Variants in SYTL5 observed in about 807,000 individuals in gnomAD.
The protein encoded by SYTL5 is synaptotagmin like 5.
A neutral mutation model predicts 55.9 loss-of-function variants in SYTL5; 34 were observed. The ratio of observed to expected loss-of-function variants is 0.61; its 90% CI spans 0.46 to 0.81. SYTL5 has a LOEUF of 0.81. SYTL5 is among the 30% of genes least tolerant of loss of function. The probability of loss-of-function intolerance (pLI) is 0.00; values close to 1 mark genes in which losing one functional copy is unlikely to be tolerated. For missense variants in SYTL5, 637 were observed against 546.7 expected (o/e 1.17, Z -1.65); for synonymous variants, 221 against 188.7 (o/e 1.17, Z -1.40).
chrX:37,942,983 T>C, the SYTL5 span, among the ~76,000 whole-genome samples: 1 of 111,781 alleles, frequency 8.9e-6, no homozygotes, highest in Admixed American at 9.5e-5. Context: ...AATTTGGCTC[T>C]CATTCATTTA....
At chrX:38,055,888 G>A (rs1002022348) in intron 3 of SYTL5, among the ~76,000 whole-genome samples, 3 of 111,541 alleles carry the variant, frequency 2.7e-5, no homozygotes, top group African/African-American at 9.8e-5. Context: ...TTTGATACAG[G>A]CTTGCAATAT....
At position 38,096,183 on chromosome X, in the gene SYTL5, A is replaced by G. The variant is rs1936932326; in HGVS notation, c.1011A>G (p.Ser337=). 8.3e-7 allele frequency: 1 copy of G among 1,197,794 alleles called. No homozygotes were observed. Among genetic ancestry groups the G allele is most frequent in the South Asian group, 1.8e-5 (1 of 55,641 alleles). The change falls in exon 9 of 17, where the codon TCA becomes TCG. Residue 337 remains serine (S), a synonymous_variant. Transcript: ENST00000297875. ...TGAGTGAGTCATTTACAGAAGACTC[A>G]GAGGATACTGTAAGCATAAGAAGCA... The part of the protein sequence containing the change: ...LDLSESFTED[S]EDTVSIRSKS...
At chrX:38,100,484 G>A (rs998281210) in intron 9 of SYTL5, among the ~76,000 whole-genome samples, 2 of 111,228 alleles carry the variant, frequency 1.8e-5, no homozygotes, top group Non-Finnish European at 3.8e-5. Flanking sequence ...ATAAAAATAA[G>A]CAAATTTTGA....
the SYTL5 span, among the ~76,000 whole-genome samples, chrX:37,990,657 G>A: frequency 0.019 from 2,130 of 111,737 alleles, 57 homozygotes; most frequent in African/African-American, 0.066. Context: ...GGTCTGATAA[G>A]GGACCAGTGG....
At chrX:37,938,232 A>G in the SYTL5 span, among the ~76,000 whole-genome samples, 6 of 111,791 alleles carry the variant, frequency 5.4e-5, no homozygotes, top group Non-Finnish European at 1.1e-4. Context: ...TTATTGTCCA[A>G]TCTTCCGTCA....
the SYTL5 span, among the ~76,000 whole-genome samples, chrX:37,977,461 G>A: frequency 9.1e-6 from 1 of 110,398 alleles, no homozygotes; most frequent in Non-Finnish European, 1.9e-5. Context: ...ACAGAGCATA[G>A]AATGTTCTGG....
At chrX:38,098,038 C>A (rs990030643) in intron 9 of SYTL5, among the ~76,000 whole-genome samples, 2 of 110,432 alleles carry the variant, frequency 1.8e-5, no homozygotes, top group African/African-American at 6.5e-5. Flanking sequence ...AATTAAGCAA[C>A]GCAAAATGGA....
chrX:37,951,446 T>C, the SYTL5 span, among the ~76,000 whole-genome samples: 1 of 111,628 alleles, frequency 9.0e-6, no homozygotes, highest in Non-Finnish European at 1.9e-5. Context: ...TTACTAAGCA[T>C]GCCGTATGTG....
rs934201186 is a variant in SYTL5 at position 38,059,159 on chromosome X, C to T, written c.329+4737C>T. On this transcript the variant is annotated intron_variant, in intron 3 of 16. Transcript: ENST00000297875. ...TTTTGCCTCTGTTATGTTTTCTAAC[C>T]GTCTGCTGACCTACTCATTTTTTTC... 1.4e-4 allele frequency among the ~76,000 whole-genome samples: 16 copies of T among 111,476 alleles called. No individual in the cohort carries two copies. In the South Asian group the frequency reaches 1.5e-3, roughly 10 times the overall value.
intron 6 of SYTL5, among the ~76,000 whole-genome samples, chrX:38,088,262 TA>T (rs937215333): frequency 1.8e-5 from 2 of 112,090 alleles, no homozygotes; most frequent in East Asian, 2.8e-4. Flanking sequence ...AACATTCTTT[TA>T]AAAAATATTC....
chrX:37,990,437 A>G, the SYTL5 span, among the ~76,000 whole-genome samples: 4 of 112,263 alleles, frequency 3.6e-5, no homozygotes, highest in Non-Finnish European at 7.5e-5. Flanking sequence ...GCAGCCTACA[A>G]CTAACAAAAG....
At chrX:37,932,132 A>T in the SYTL5 span, among the ~76,000 whole-genome samples, 1 of 112,304 alleles carries the variant, frequency 8.9e-6, no homozygotes, top group African/African-American at 3.2e-5. Flanking sequence ...TTTCTGAATT[A>T]AAAAACTGTG....
intron 7 of SYTL5, among the ~76,000 whole-genome samples, chrX:38,092,010 G>A (rs992378860): frequency 1.8e-5 from 2 of 112,076 alleles, no homozygotes; most frequent in Admixed American, 1.9e-4. Context: ...GAAACAAAGA[G>A]AAGTACTTTC....
the SYTL5 span, among the ~76,000 whole-genome samples, chrX:37,958,424 A>T: frequency 9.1e-6 from 1 of 109,922 alleles, no homozygotes; most frequent in Non-Finnish European, 1.9e-5. Flanking sequence ...CAGTACCATC[A>T]TGGGGGCCCT....
intron 15 of SYTL5, among the ~76,000 whole-genome samples, chrX:38,124,838 A>T (rs1160905114): frequency 9.0e-6 from 1 of 111,661 alleles, no homozygotes; most frequent in Non-Finnish European, 1.9e-5. Context: ...CCCCAGGGGT[A>T]TTAAATTCCA....
rs1021533189 is a variant in SYTL5 at position 38,127,358 on chromosome X, G to A, written c.*628G>A. The A allele has an allele frequency of 2.7e-5, 3 of 112,058 alleles. No individual in the cohort carries two copies. Among genetic ancestry groups the A allele is most frequent in the Non-Finnish European group, 3.8e-5 (2 of 53,180 alleles). The allele number at this position is 112,058 out of a possible 1,213,427, so 9.2% of individuals were successfully genotyped here. ...GAGAGCTAAATAACTACATCAGAAC[G>A]ATTGATGTTGATTAGAATTGACCTG... is the stretch of plus-strand genomic sequence containing the variant. On this transcript the variant is annotated 3_prime_UTR_variant, in exon 17 of 17. Coordinates refer to ENST00000297875, the MANE Select transcript of SYTL5 (RefSeq NM_138780.3).
the SYTL5 span, among the ~76,000 whole-genome samples, chrX:37,923,989 G>A: frequency 4.5e-5 from 5 of 111,058 alleles, no homozygotes; most frequent in African/African-American, 9.8e-5. Context: ...AGAGGTTCCC[G>A]CCAAGGTTCT....
chrX:37,891,945 C>A, the SYTL5 span, among the ~76,000 whole-genome samples: 1 of 111,627 alleles, frequency 9.0e-6, no homozygotes. Context: ...TTGTTCATCT[C>A]CTTGGAAAAC....
chrX:37,945,706 C>A, the SYTL5 span, among the ~76,000 whole-genome samples: 71 of 111,857 alleles, frequency 6.3e-4, no homozygotes, highest in African/African-American at 2.2e-3. Flanking sequence ...TTCGCATCAG[C>A]AAGTCTGTTG....
Sources: allele counts gnomAD v4.1 joint callset (sites outside exome capture counted in the v4.1 genomes callset), GRCh38; gene constraint gnomAD v4.1.1; transcripts MANE v1.5; gene names NCBI Gene and HGNC (gene_info 2026-07-23, HGNC 2026-07-21).